DSCAML1: variants seen among roughly 807,000 people sequenced by gnomAD.
DSCAML1 encodes the protein DS cell adhesion molecule like 1, also known as cell adhesion molecule DSCAML1.
A neutral mutation model predicts 200.5 loss-of-function variants in DSCAML1; 38 were observed. The ratio of observed to expected loss-of-function variants is 0.19; its 90% confidence interval spans 0.15 to 0.25. The LOEUF (loss-of-function observed/expected upper bound fraction) is 0.25. DSCAML1 is among the 10% of genes least tolerant of loss of function. The pLI, the probability that DSCAML1 is intolerant of heterozygous loss-of-function variation, is 1.00. For synonymous variants in DSCAML1, 1,215 were observed against 1,165.0 expected (o/e 1.04, Z -0.87); for missense variants, 2,223 against 2,858.8 (o/e 0.78, Z 5.07).
chr11:117,766,366 T>C (rs903282472), intron 3 of DSCAML1, among the ~76,000 whole-genome samples: 1 of 152,200 alleles, frequency 6.6e-6, no homozygotes, highest in Admixed American at 6.5e-5. Context: ...GCGATGAGAT[T>C]GAGAACTAAA....
At chr11:117,558,318 T>C (rs532801055) in intron 3 of DSCAML1, among the ~76,000 whole-genome samples, 1 of 152,084 alleles carries the variant, frequency 6.6e-6, no homozygotes, top group Non-Finnish European at 1.5e-5. Flanking sequence ...CCCCAAAACA[T>C]GGAAATAAAG....
At chr11:117,587,789 G>T (rs1442787360) in intron 3 of DSCAML1, among the ~76,000 whole-genome samples, 4 of 152,136 alleles carry the variant, frequency 2.6e-5, no homozygotes, top group Admixed American at 2.0e-4. Flanking sequence ...CCTCCTCTTT[G>T]TCCCTTATCT....
chr11:117,486,234 C>T (rs973926761), intron 11 of DSCAML1, among the ~76,000 whole-genome samples: 3 of 150,766 alleles, frequency 2.0e-5, no homozygotes, highest in African/African-American at 7.3e-5. Context: ...GGGAAAGTGG[C>T]GGATGGGAAA....
intron 3 of DSCAML1, among the ~76,000 whole-genome samples, chr11:117,678,887 T>C (rs960263550): frequency 6.6e-6 from 1 of 152,236 alleles, no homozygotes; most frequent in African/African-American, 2.4e-5. Flanking sequence ...GGGTTTTGAA[T>C]AGGATTGTAA....
intron 3 of DSCAML1, among the ~76,000 whole-genome samples, chr11:117,539,606 C>CAAAAAAA (rs35130897): frequency 0.013 from 682 of 52,564 alleles, 17 homozygotes; most frequent in East Asian, 0.046. Context: ...AAAACTCTGT[C>CAAAAAAA]AAAAAAAAAA....
At chr11:117,517,613 A>G (rs2049798083) in intron 7 of DSCAML1, among the ~76,000 whole-genome samples, 1 of 152,182 alleles carries the variant, frequency 6.6e-6, no homozygotes, top group Non-Finnish European at 1.5e-5. Context: ...TGGCACAGGC[A>G]AATTCAACAT....
intron 3 of DSCAML1, among the ~76,000 whole-genome samples, chr11:117,731,494 A>G (rs1428011986): frequency 6.6e-6 from 1 of 152,190 alleles, no homozygotes; most frequent in Admixed American, 6.5e-5. Context: ...CCTGCCAGCC[A>G]TAGATCACAC....
chr11:117,737,444 C>A (rs2054338248), intron 3 of DSCAML1, among the ~76,000 whole-genome samples: 5 of 152,154 alleles, frequency 3.3e-5, no homozygotes, highest in Admixed American at 3.3e-4. Context: ...AGGGAGCACA[C>A]CTCAGAGCTC....
intron 19 of DSCAML1, among the ~76,000 whole-genome samples, chr11:117,458,117 C>G (rs116627178): frequency 0.032 from 4,859 of 152,296 alleles, 272 homozygotes; most frequent in African/African-American, 0.11. Flanking sequence ...GGGTGGAAGC[C>G]TGGTCCTTCT....
At chr11:117,490,464 C>T (rs530097394) in intron 11 of DSCAML1, among the ~76,000 whole-genome samples, 5 of 152,310 alleles carry the variant, frequency 3.3e-5, no homozygotes, top group South Asian at 2.1e-4. Flanking sequence ...GACCCTGCCA[C>T]GGGGATTGCA....
At chr11:117,762,042 C>T (rs1460477305) in intron 3 of DSCAML1, among the ~76,000 whole-genome samples, 2 of 152,168 alleles carry the variant, frequency 1.3e-5, no homozygotes, top group Non-Finnish European at 2.9e-5. Context: ...AGTACAGCAT[C>T]GACTCACTCC....
At chr11:117,536,165 G>A (rs546805858) in intron 3 of DSCAML1, among the ~76,000 whole-genome samples, 6 of 151,756 alleles carry the variant, frequency 4.0e-5, no homozygotes, top group Middle Eastern at 3.4e-3. Flanking sequence ...GTCCCCTTGG[G>A]GGGGCTTGTG....
intron 3 of DSCAML1, among the ~76,000 whole-genome samples, chr11:117,601,549 T>C (rs2051467011): frequency 6.6e-6 from 1 of 152,226 alleles, no homozygotes; most frequent in Non-Finnish European, 1.5e-5. Flanking sequence ...AATTCCACTA[T>C]CCGTGTTTTA....
intron 3 of DSCAML1, among the ~76,000 whole-genome samples, chr11:117,741,487 G>A (rs2054422418): frequency 6.6e-6 from 1 of 152,236 alleles, no homozygotes; most frequent in South Asian, 2.1e-4. Context: ...ATAATTTATT[G>A]TGTTAAGCCA....
intron 3 of DSCAML1, among the ~76,000 whole-genome samples, chr11:117,561,481 GT>G (rs2050662168): frequency 6.6e-6 from 1 of 152,210 alleles, no homozygotes. Context: ...ACATGCTACA[GT>G]TCTGTGGGGC....
At chr11:117,507,509 T>A (rs1030655104) in intron 8 of DSCAML1, among the ~76,000 whole-genome samples, 5 of 151,916 alleles carry the variant, frequency 3.3e-5, no homozygotes, top group African/African-American at 9.7e-5. Context: ...CCTGGGAGAG[T>A]TCTTGATCAG....
intron 21 of DSCAML1, among the ~76,000 whole-genome samples, chr11:117,442,561 C>T (rs890878748): frequency 1.3e-5 from 2 of 152,096 alleles, no homozygotes; most frequent in African/African-American, 2.4e-5. Context: ...TTGTCTTTCC[C>T]ACCTCACAGG....
At chr11:117,438,394 T>C (rs1363389570) in intron 24 of DSCAML1, among the ~76,000 whole-genome samples, 1 of 152,060 alleles carries the variant, frequency 6.6e-6, no homozygotes, top group Non-Finnish European at 1.5e-5. Flanking sequence ...AAACCAGAGT[T>C]GTGAGGCTCA....
chr11:117,585,587 T>C (rs1591294693), intron 3 of DSCAML1, among the ~76,000 whole-genome samples: 1 of 152,186 alleles, frequency 6.6e-6, no homozygotes, highest in East Asian at 1.9e-4. Context: ...CCTACAAATA[T>C]ATCTGTAAGC....
Sources: allele counts gnomAD v4.1 joint callset (sites outside exome capture counted in the v4.1 genomes callset), GRCh38; gene constraint gnomAD v4.1.1; transcripts MANE v1.5; gene names NCBI Gene and HGNC (gene_info 2026-07-23, HGNC 2026-07-21).